Variants in NRXN3 observed in about 807,000 individuals in gnomAD.
NRXN3 encodes neurexin III.
Under a neutral mutation model 137.6 loss-of-function variants are expected in NRXN3, and 32 were observed. The ratio of observed to expected loss-of-function variants is 0.23; its 90% CI spans 0.18 to 0.31. The LOEUF (loss-of-function observed/expected upper bound fraction) is 0.31. NRXN3 is among the 10% of genes least tolerant of loss of function. The pLI is 1.00. For synonymous variants in NRXN3, 798 were observed against 784.5 expected (o/e 1.02, Z -0.29); for missense variants, 1,574 against 2,062.5 (o/e 0.76, Z 4.59).
At chr14:78,333,406 A>G (rs1042274000) in intron 4 of NRXN3, among the ~76,000 whole-genome samples, 1 of 152,192 alleles carries the variant, frequency 6.6e-6, no homozygotes, top group African/African-American at 2.4e-5. Flanking sequence ...AGAGAATAAG[A>G]TGAACAAAAA....
chr14:79,350,589 C>T (rs948615698), intron 15 of NRXN3, among the ~76,000 whole-genome samples: 2 of 152,108 alleles, frequency 1.3e-5, no homozygotes, highest in Non-Finnish European at 2.9e-5. Flanking sequence ...GCCTTTGGCA[C>T]ACATTGGAGG....
intron 4 of NRXN3, among the ~76,000 whole-genome samples, chr14:78,422,001 A>G (rs929442676): frequency 6.6e-6 from 1 of 152,156 alleles, no homozygotes; most frequent in Admixed American, 6.5e-5. Flanking sequence ...TGCTCCGTTT[A>G]TTAGTTGGCT....
intron 19 of NRXN3, among the ~76,000 whole-genome samples, chr14:79,715,030 T>C (rs756743245): frequency 6.6e-6 from 1 of 152,160 alleles, no homozygotes; most frequent in Non-Finnish European, 1.5e-5. Flanking sequence ...CGGGGCTCAC[T>C]GCAACCTCTG....
intron 4 of NRXN3, among the ~76,000 whole-genome samples, chr14:78,369,727 G>A (rs1030186792): frequency 7.9e-5 from 12 of 152,040 alleles, no homozygotes; most frequent in South Asian, 2.1e-4. Context: ...TTTATAAGCC[G>A]GTGTAGCTTC....
intron 15 of NRXN3, among the ~76,000 whole-genome samples, chr14:79,364,601 T>C (rs573698848): frequency 6.6e-6 from 1 of 152,176 alleles, no homozygotes; most frequent in African/African-American, 2.4e-5. Context: ...AAATTAATAA[T>C]TAGGCAGTCT....
chr14:78,768,423 CTT>C (rs2098715964), intron 8 of NRXN3, among the ~76,000 whole-genome samples: 2 of 152,102 alleles, frequency 1.3e-5, no homozygotes, highest in South Asian at 4.1e-4. Context: ...TGATCTAAGA[CTT>C]ATTTGTTTTA....
intron 19 of NRXN3, among the ~76,000 whole-genome samples, chr14:79,761,431 G>A (rs1426616599): frequency 6.6e-6 from 1 of 151,410 alleles, no homozygotes; most frequent in African/African-American, 2.4e-5. Flanking sequence ...TTCTCCTTAG[G>A]CCATGGCTGT....
At chr14:78,484,542 G>T (rs1291157289) in intron 4 of NRXN3, among the ~76,000 whole-genome samples, 3 of 152,134 alleles carry the variant, frequency 2.0e-5, no homozygotes, top group African/African-American at 7.2e-5. Flanking sequence ...AGGGGGCCTA[G>T]AATTGTCCCA....
At chr14:79,336,688 G>A (rs1201708235) in intron 15 of NRXN3, among the ~76,000 whole-genome samples, 1 of 152,122 alleles carries the variant, frequency 6.6e-6, no homozygotes, top group Admixed American at 6.5e-5. Flanking sequence ...TATAAAAAGC[G>A]GGTGCTGCAT....
chr14:78,916,766 A>G (rs1473098029), intron 10 of NRXN3, among the ~76,000 whole-genome samples: 2 of 152,214 alleles, frequency 1.3e-5, no homozygotes, highest in African/African-American at 4.8e-5. Context: ...GGTGACTTAA[A>G]CAATAGAAAT....
intron 16 of NRXN3, among the ~76,000 whole-genome samples, chr14:79,487,844 A>T (rs953745399): frequency 6.6e-6 from 1 of 152,090 alleles, no homozygotes; most frequent in Non-Finnish European, 1.5e-5. Flanking sequence ...GTATTGTGAG[A>T]GGCTGAGAAA....
chr14:78,421,651 C>T (rs1189919890), intron 4 of NRXN3, among the ~76,000 whole-genome samples: 1 of 152,070 alleles, frequency 6.6e-6, no homozygotes, highest in Admixed American at 6.5e-5. Context: ...CATTGGCCAT[C>T]TCTGGATATA....
intron 4 of NRXN3, among the ~76,000 whole-genome samples, chr14:78,439,293 G>A (rs1185579488): frequency 6.6e-6 from 1 of 152,096 alleles, no homozygotes; most frequent in Non-Finnish European, 1.5e-5. Context: ...AGATCTAGGG[G>A]CAAGAATTTG....
At chr14:79,438,349 G>C (rs760026835) in intron 15 of NRXN3, among the ~76,000 whole-genome samples, 2 of 152,208 alleles carry the variant, frequency 1.3e-5, no homozygotes, top group Non-Finnish European at 2.9e-5. Flanking sequence ...ATTTAGACGA[G>C]ACAAACCAAA....
chr14:79,152,315 G>A (rs913116433), intron 15 of NRXN3, among the ~76,000 whole-genome samples: 32 of 151,926 alleles, frequency 2.1e-4, no homozygotes, highest in Admixed American at 5.3e-4. Context: ...TGCAGAATAG[G>A]TGCATAGTAT....
intron 4 of NRXN3, among the ~76,000 whole-genome samples, chr14:78,534,213 C>G (rs906524025): frequency 1.3e-5 from 2 of 152,176 alleles, no homozygotes; most frequent in African/African-American, 2.4e-5. Flanking sequence ...TTTGCTGCCT[C>G]TCTCTTAAAT....
At chr14:79,137,386 A>G (rs2058349752) in intron 15 of NRXN3, among the ~76,000 whole-genome samples, 1 of 152,164 alleles carries the variant, frequency 6.6e-6, no homozygotes, top group African/African-American at 2.4e-5. Flanking sequence ...GGTGTGAATC[A>G]ATTATGAAAA....
At chr14:79,598,180 A>G (rs560600133) in intron 16 of NRXN3, among the ~76,000 whole-genome samples, 26 of 152,314 alleles carry the variant, frequency 1.7e-4, no homozygotes, top group Non-Finnish European at 3.2e-4. Flanking sequence ...TATTGCAAGG[A>G]TAGATGAACT....
At chr14:78,573,083 T>C (rs1600683273) in intron 4 of NRXN3, among the ~76,000 whole-genome samples, 1 of 152,334 alleles carries the variant, frequency 6.6e-6, no homozygotes, top group South Asian at 2.1e-4. Flanking sequence ...GCTACCCCTT[T>C]TGCTTGGCAC....
Sources: allele counts gnomAD v4.1 joint callset (sites outside exome capture counted in the v4.1 genomes callset), GRCh38; gene constraint gnomAD v4.1.1; transcripts MANE v1.5; gene names NCBI Gene and HGNC (gene_info 2026-07-23, HGNC 2026-07-21).